Variants in IKZF3 observed in about 807,000 individuals in gnomAD.
IKZF3 encodes zinc finger protein Aiolos.
A neutral mutation model predicts 49.0 loss-of-function variants in IKZF3; 10 were observed. That is an observed-to-expected ratio of 0.20 (90% CI 0.13 to 0.35). The LOEUF is 0.35. IKZF3 is among the 10% of genes least tolerant of loss of function. IKZF3 has a pLI of 1.00. For synonymous variants in IKZF3, 209 were observed against 228.2 expected, an observed-to-expected ratio of 0.92 and a Z score of 0.76; for missense variants, 498 against 664.8, an observed-to-expected ratio of 0.75 and a Z score of 2.76.
chr17:39,795,200 T>C (rs2061131881), intron 3 of IKZF3, among the ~76,000 whole-genome samples: 1 of 152,162 alleles, frequency 6.6e-6, no homozygotes, highest in African/African-American at 2.4e-5. Flanking sequence ...CAAGAGCAGA[T>C]CTTAGCTTTA....
chr17:39,788,334 G>A lies in IKZF3; in HGVS notation c.633C>T (p.Tyr211=). ...GCTCCTCAAGGGAACTTCTCTGCTT[G>A]TAACTCCTTCCACAAAACTCACATT... ...PYKCEFCGRS[Y]KQRSSLEEHK... is the part of the protein sequence containing the mutation. Residue 211 remains tyrosine (Y), a synonymous_variant, in exon 6 of 8, where the codon TAC becomes TAT. Transcript: ENST00000346872. 1 of 1,613,778 alleles carries A rather than the reference G, an allele frequency of 6.2e-7. No homozygotes were observed. The highest frequency in any genetic ancestry group is 8.5e-7 in the Non-Finnish European group (1 of 1,179,842).
intron 3 of IKZF3, among the ~76,000 whole-genome samples, chr17:39,816,862 C>T (rs999471999): frequency 1.6e-4 from 25 of 152,028 alleles, no homozygotes; most frequent in Admixed American, 9.8e-4. Context: ...TACAGGCATG[C>T]GCCACCACGC....
chr17:39,779,739 CCA>C (rs2060687697), intron 6 of IKZF3, among the ~76,000 whole-genome samples: 1 of 151,416 alleles, frequency 6.6e-6, no homozygotes, highest in Admixed American at 6.6e-5. Flanking sequence ...GCCTAGAGCG[CCA>C]CAGTTTGCCC....
chr17:39,768,688 C>T (rs919199320), intron 7 of IKZF3, among the ~76,000 whole-genome samples: 8 of 152,186 alleles, frequency 5.3e-5, no homozygotes, highest in Non-Finnish European at 8.8e-5. Flanking sequence ...CAGGGCCTGC[C>T]ACATGGAAAA....
chr17:39,782,393 A>AAAC (rs552558091), intron 6 of IKZF3, among the ~76,000 whole-genome samples: 187 of 151,348 alleles, frequency 1.2e-3, no homozygotes, highest in Non-Finnish European at 2.2e-3. Context: ...CCCTGTCTCT[A>AAAC]AACAACAACA....
At position 39,791,451 on chromosome 17, in the gene IKZF3, C is replaced by T; in HGVS notation, c.557G>A (p.Arg186Lys). 1 of 1,614,060 alleles carries T rather than the reference C, an allele frequency of 6.2e-7. No individual in the cohort carries two copies. Among genetic ancestry groups the T allele is most frequent in the Non-Finnish European group, 8.5e-7 (1 of 1,179,982 alleles). ...CHLCNYACQR[R>K]DALTGHLRTH... ...CCTAAGATGCCCCGTGAGCGCATCTCTTCTTTGGCATGCATAGTTGCAGAG... is the reference window on the plus strand; with the variant it reads ...CCTAAGATGCCCCGTGAGCGCATCTTTTCTTTGGCATGCATAGTTGCAGAG... The change falls in exon 5 of 8, where the codon AGA becomes AAA. Residue 186 changes from arginine (R) to lysine (K), a missense_variant. Transcript: ENST00000346872.
rs758083911 is a variant in IKZF3, at chr17:39,765,987, C to T, written c.1333G>A (p.Glu445Lys). 5.0e-6 allele frequency: 8 copies of T among 1,614,106 alleles called. No homozygotes were observed. In the African/African-American group the frequency reaches 5.3e-5, roughly 11 times the overall value. The change falls in exon 8 of 8, where the codon GAA (glutamate) becomes AAA (lysine). Residue 445 changes from glutamate (E) to lysine (K), a missense_variant. By Grantham distance (56) the Glu-to-Lys change is moderately conservative. This residue lies in a region of IKZF3 where 317 missense variants were observed against 397.3 expected (regional missense o/e 0.80). Coordinates refer to ENST00000346872, the MANE Select transcript of IKZF3 (RefSeq NM_012481.5). ...CGATACACATCCATCACCTCCCCTTCCTTGTTGATCACTTTGACGGAGTCT... is the reference window on the plus strand; with the variant it reads ...CGATACACATCCATCACCTCCCCTTTCTTGTTGATCACTTTGACGGAGTCT... ...PRDSVKVINK[E>K]GEVMDVYRCD...
chr17:39,775,914 A>C (rs1035271445), intron 7 of IKZF3, among the ~76,000 whole-genome samples: 15 of 151,134 alleles, frequency 9.9e-5, no homozygotes, highest in African/African-American at 3.6e-4. Context: ...ACAAGAGTGA[A>C]ACTCTGTCTC....
At chr17:39,829,947 G>A (rs979337539) in intron 2 of IKZF3, among the ~76,000 whole-genome samples, 22 of 151,132 alleles carry the variant, frequency 1.5e-4, no homozygotes, top group African/African-American at 4.2e-4. Flanking sequence ...GTGAGACTTC[G>A]TCTCAAACAA....
intron 7 of IKZF3, among the ~76,000 whole-genome samples, chr17:39,774,242 G>A (rs1262546607): frequency 6.6e-6 from 1 of 152,142 alleles, no homozygotes; most frequent in Non-Finnish European, 1.5e-5. Flanking sequence ...GCAACTGTCA[G>A]CAAGGATTAA....
intron 3 of IKZF3, among the ~76,000 whole-genome samples, chr17:39,793,683 A>G (rs1414559925): frequency 1.3e-5 from 2 of 152,260 alleles, no homozygotes; most frequent in Admixed American, 6.5e-5. Context: ...GTTAGGGAGA[A>G]CTAAACTCAA....
At chr17:39,858,984 A>ATT (rs1284599447) in intron 1 of IKZF3, among the ~76,000 whole-genome samples, 1 of 151,668 alleles carries the variant, frequency 6.6e-6, no homozygotes, top group East Asian at 1.9e-4. Context: ...TTTTATTATT[A>ATT]TTTTTTATGA....
chr17:39,861,994 G>A (rs2063226530), intron 1 of IKZF3, among the ~76,000 whole-genome samples: 1 of 152,150 alleles, frequency 6.6e-6, no homozygotes, highest in Admixed American at 6.5e-5. Context: ...TGAAATTCAT[G>A]TTTGTGAACC....
At chr17:39,829,290 C>A in intron 3 of IKZF3, 97 bp downstream of exon 3, 1 of 807,280 alleles carries the variant, frequency 1.2e-6, no homozygotes, top group Non-Finnish European at 2.1e-6. Flanking sequence ...ACTAAACCTA[C>A]AATTGCAAGT....
Position 39,808,738 on chromosome 17 carries a change from G to A in IKZF3, c.164-15805C>T, listed in dbSNP as rs35522771. Among the ~76,000 whole-genome samples the A allele has an allele frequency of 5.8e-3, 881 of 152,340 alleles. 13 individuals carry two copies. The highest frequency in any genetic ancestry group is 0.02 in the African/African-American group (844 of 41,590). Reference sequence around the variant, plus strand: ...ATTATCTTTTCTTTACAGTCTGAGAGAGAGAGAGAACTAGTACAACCTGAA... The same window carrying A: ...ATTATCTTTTCTTTACAGTCTGAGAAAGAGAGAGAACTAGTACAACCTGAA... On this transcript the variant is annotated intron_variant, in intron 3 of 7. Coordinates refer to ENST00000346872, the MANE Select transcript of IKZF3 (RefSeq NM_012481.5).
At chr17:39,832,869 G>A (rs2062153153) in intron 1 of IKZF3, among the ~76,000 whole-genome samples, 1 of 152,026 alleles carries the variant, frequency 6.6e-6, no homozygotes, top group Non-Finnish European at 1.5e-5. Flanking sequence ...CTAGAAGAGA[G>A]GACTTGAATT....
intron 3 of IKZF3, among the ~76,000 whole-genome samples, chr17:39,800,387 T>C (rs942810790): frequency 1.3e-5 from 2 of 152,174 alleles, no homozygotes; most frequent in African/African-American, 4.8e-5. Context: ...TTTGTACATA[T>C]GATCTATTTT....
rs904316341 is a variant in IKZF3 at position 39,761,282 on chromosome 17, T to C, written c.*4508A>G. 3.3e-5 allele frequency: 5 copies of C among 152,170 alleles called. No homozygotes were observed. Among genetic ancestry groups the C allele is most frequent in the Non-Finnish European group, 7.4e-5 (5 of 68,022 alleles). The allele number at this position is 152,170 out of a possible 1,614,324, so 9.4% of individuals were successfully genotyped here. A position where few individuals can be genotyped will look rare whatever the true frequency, so the allele number is the denominator to read the frequency against. On this transcript the variant is annotated 3_prime_UTR_variant, in exon 8 of 8. Transcript: ENST00000346872. Reference sequence around the variant, plus strand: ...GCGAATGTCTTTTTGGGAGAATAACTTGAGGAAACTAAAGACTGATGAGTT... The same window carrying C: ...GCGAATGTCTTTTTGGGAGAATAACCTGAGGAAACTAAAGACTGATGAGTT...
chr17:39,841,611 G>C (rs2062469832), intron 1 of IKZF3, among the ~76,000 whole-genome samples: 1 of 152,126 alleles, frequency 6.6e-6, no homozygotes, highest in Non-Finnish European at 1.5e-5. Flanking sequence ...TTACATAGTG[G>C]AGGAATGGTC....
Sources: gnomAD v4.1 joint callset for allele counts (sites outside exome capture counted in the v4.1 genomes callset) on GRCh38, gnomAD v4.1.1 for gene constraint, gnomAD v4.1.1 regional missense constraint, MANE v1.5 for transcripts, NCBI Gene and HGNC (gene_info 2026-07-23, HGNC 2026-07-21) for gene names.